The following CADPS variants were observed in gnomAD, a reference collection of about 807,000 sequenced individuals.
CADPS encodes the protein calcium dependent secretion activator.
A neutral mutation model predicts 167.3 loss-of-function variants in CADPS; 57 were observed. That is an observed-to-expected ratio of 0.34 (90% CI 0.28 to 0.42). CADPS has a LOEUF of 0.42. CADPS is among the 20% of genes least tolerant of loss of function. The pLI, the probability that CADPS is intolerant of heterozygous loss-of-function variation, is 1.00. For synonymous variants in CADPS, 676 were observed against 635.3 expected (o/e 1.06, Z -0.96); for missense variants, 1,414 against 1,738.1 (o/e 0.81, Z 3.32).
rs889277951 is a variant in CADPS at position 62,602,607 on chromosome 3, G to A, written c.1326-9859C>T. ...GCAGTGTGTCTCATGCAAACTAATT[G>A]ATAGGCTGGGCTTTGGGTTCTTTAG... On this transcript the variant is annotated intron_variant, in intron 6 of 29. Coordinates refer to ENST00000383710, the MANE Select transcript of CADPS (RefSeq NM_003716.4). The surrounding 1 kb of genome is among the most constrained non-coding windows in gnomAD (Gnocchi z 4.4). Among the ~76,000 whole-genome samples the A allele has an allele frequency of 6.6e-6, 1 of 152,150 alleles. No individual in the cohort carries two copies. The highest frequency in any genetic ancestry group is 1.5e-5 in the Non-Finnish European group (1 of 68,038).
chr3:62,499,492 A>G (rs2065359002), intron 17 of CADPS: 2 of 372,460 alleles, frequency 5.4e-6, no homozygotes, highest in Admixed American at 3.8e-5. Context: ...TCCAGCTTCA[A>G]ATTTGCATAT....
chr3:62,630,646 T>C (rs1025827399), intron 6 of CADPS, among the ~76,000 whole-genome samples: 35 of 152,184 alleles, frequency 2.3e-4, no homozygotes, highest in African/African-American at 8.0e-4. Context: ...TGAGCCACCA[T>C]GCAGTTTCTT....
rs186809335 is a variant in CADPS, at chr3:62,729,441, G to A, written c.888+24000C>T. On this transcript the variant is annotated intron_variant, in intron 3 of 29. Coordinates refer to ENST00000383710, the MANE Select transcript of CADPS (RefSeq NM_003716.4). ...ACTTGCTAATTCAGCCCCATAATGA[G>A]AGAAGGTGGTTTGCACACCAGCCAA... is the stretch of plus-strand genomic sequence containing the variant. Among the ~76,000 whole-genome samples the A allele has an allele frequency of 1.1e-4, 17 of 151,920 alleles. No homozygotes were observed. The South Asian group carries it at 3.3e-3, about 30-fold the overall frequency.
chr3:62,494,491 C>CT, intron 18 of CADPS, among the ~76,000 whole-genome samples: 1 of 152,298 alleles, frequency 6.6e-6, no homozygotes, highest in East Asian at 1.9e-4. Context: ...ATTCAACTAA[C>CT]TTTACATCTT....
chr3:62,683,787 T>A (rs2077519334), intron 3 of CADPS, among the ~76,000 whole-genome samples: 1 of 152,080 alleles, frequency 6.6e-6, no homozygotes. Flanking sequence ...CAGTTTTGAG[T>A]ACTGGTCAGG....
chr3:62,573,393 T>C (rs1270125159), intron 8 of CADPS, among the ~76,000 whole-genome samples: 1 of 152,214 alleles, frequency 6.6e-6, no homozygotes, highest in Non-Finnish European at 1.5e-5. Flanking sequence ...GGAAGGCCAA[T>C]TGTATTTGAT....
At chr3:62,810,312 C>A (rs139449563) in intron 1 of CADPS, among the ~76,000 whole-genome samples, 4 of 152,214 alleles carry the variant, frequency 2.6e-5, no homozygotes, top group African/African-American at 9.6e-5. Flanking sequence ...AATAAATGAG[C>A]AATTTTATTC....
At position 62,651,057 on chromosome 3, in the gene CADPS, T is replaced by C. The variant is rs371108018; in HGVS notation, c.993A>G (p.Val331=). The change falls in exon 5 of 30, where the codon GTA becomes GTG. Residue 331 remains valine, a synonymous_variant. Coordinates refer to ENST00000383710, the MANE Select transcript of CADPS (RefSeq NM_003716.4). The part of the protein sequence containing the change: ...IARERKFPKF[V]SKEMENMYIE... ...TGTACATGTTTTCCATTTCTTTGGA[T>C]ACAAACTTGGGAAATTTGCGTTCCT... is the stretch of plus-strand genomic sequence containing the variant. The C allele has an allele frequency of 9.9e-6, 16 of 1,613,722 alleles. No homozygotes were observed. The highest frequency in any genetic ancestry group is 5.3e-5 in the African/African-American group (4 of 75,022).
intron 22 of CADPS, among the ~76,000 whole-genome samples, chr3:62,481,013 A>T (rs1264832667): frequency 6.6e-6 from 1 of 152,214 alleles, no homozygotes. Context: ...TATAAAGCAT[A>T]GCCCTATATT....
At chr3:62,623,774 G>A (rs771244521) in intron 6 of CADPS, among the ~76,000 whole-genome samples, 12 of 152,038 alleles carry the variant, frequency 7.9e-5, no homozygotes, top group Admixed American at 1.3e-4. Flanking sequence ...AACTTCCCAC[G>A]GCTGAACAAT....
chr3:62,522,304 T>C (rs2070864723), intron 13 of CADPS, among the ~76,000 whole-genome samples: 1 of 152,070 alleles, frequency 6.6e-6, no homozygotes, highest in African/African-American at 2.4e-5. Flanking sequence ...ATCTTTTAAT[T>C]TTGTTTTAAT....
chr3:62,819,871 A>G (rs1182956298), intron 1 of CADPS, among the ~76,000 whole-genome samples: 2 of 152,146 alleles, frequency 1.3e-5, no homozygotes, highest in African/African-American at 4.8e-5. Flanking sequence ...GTCTCCCATG[A>G]ACTCTGCCCT....
At position 62,849,283 on chromosome 3, in the gene CADPS, G is replaced by C. The variant is rs1471822107; in HGVS notation, c.441+25306C>G. On this transcript the variant is annotated intron_variant, in intron 1 of 29. Transcript: ENST00000383710. ...TGCCCTTTATTTCCTTCTCCTGCCT[G>C]ATTGCCCTGGCCAGAACTTCCAACA... Among the ~76,000 whole-genome samples the C allele has an allele frequency of 4.7e-5, 7 of 148,022 alleles. No individual in the cohort carries two copies. The South Asian group carries it at 9.0e-4, about 19-fold the overall frequency.
intron 6 of CADPS, among the ~76,000 whole-genome samples, chr3:62,624,260 T>C (rs1192519716): frequency 1.3e-5 from 2 of 152,180 alleles, no homozygotes; most frequent in Non-Finnish European, 2.9e-5. Context: ...GTTGTTTGTA[T>C]CTGACTGCTT....
intron 3 of CADPS, among the ~76,000 whole-genome samples, chr3:62,680,496 T>C (rs1048307075): frequency 6.6e-6 from 1 of 152,004 alleles, no homozygotes; most frequent in Non-Finnish European, 1.5e-5. Context: ...ATCTAATCAT[T>C]TGCCAAATGC....
intron 3 of CADPS, among the ~76,000 whole-genome samples, chr3:62,728,592 G>C (rs1040420890): frequency 6.6e-6 from 1 of 151,782 alleles, no homozygotes; most frequent in Admixed American, 6.6e-5. Context: ...GGGAGATTTT[G>C]GATTCATTGT....
intron 3 of CADPS, among the ~76,000 whole-genome samples, chr3:62,674,061 T>C (rs2075974977): frequency 6.6e-6 from 1 of 152,184 alleles, no homozygotes; most frequent in Non-Finnish European, 1.5e-5. Context: ...TATAAAATTA[T>C]TCACAAGGTC....
intron 18 of CADPS, among the ~76,000 whole-genome samples, chr3:62,493,978 T>C (rs1047068054): frequency 6.6e-6 from 1 of 152,206 alleles, no homozygotes; most frequent in Non-Finnish European, 1.5e-5. Context: ...GTAATAATTA[T>C]AGATAAGATG....
At chr3:62,598,046 A>G (rs2059173830) in intron 6 of CADPS, among the ~76,000 whole-genome samples, 1 of 152,184 alleles carries the variant, frequency 6.6e-6, no homozygotes, top group Non-Finnish European at 1.5e-5. Flanking sequence ...ACTAAAATAT[A>G]AAGCATTTTC....
Sources: gnomAD v4.1 joint callset for allele counts (sites outside exome capture counted in the v4.1 genomes callset) on GRCh38, gnomAD v4.1.1 for gene constraint, Gnocchi (gnomAD v3.1) non-coding constraint, MANE v1.5 for transcripts, NCBI Gene and HGNC (gene_info 2026-07-23, HGNC 2026-07-21) for gene names.